Variants in KIAA0586 observed in about 807,000 individuals in gnomAD.
KIAA0586 encodes protein TALPID3.
KIAA0586 carries 144 observed loss-of-function variants against 169.8 expected under a neutral mutation model. The observed-to-expected ratio is 0.85, with a 90% CI of 0.74 to 0.97. The LOEUF (loss-of-function observed/expected upper bound fraction) is 0.97. KIAA0586 is among the 50% of genes least tolerant of loss of function. The pLI, the probability that KIAA0586 is intolerant of heterozygous loss-of-function variation, is 0.00. For synonymous variants in KIAA0586, 625 were observed against 612.4 expected (o/e 1.02, Z -0.30); for missense variants, 1,854 against 1,823.0 (o/e 1.02, Z -0.31).
Position 58,539,823 on chromosome 14 carries a change from T to TC in KIAA0586, c.4430-239dup, listed in dbSNP as rs370714476. The TC allele has an allele frequency of 2.6e-3, 789 of 297,936 alleles. 7 individuals carry two copies. The highest frequency in any genetic ancestry group is 8.8e-3 in the African/African-American group (402 of 45,608). 18.5% of individuals were successfully genotyped at this position (297,936 alleles called of 1,614,324 possible). ...TCAGATTTTCTCATGACCCTTTGCT[T>TC]CCCCCCCCCATCTGTGATGCATAAA... is the stretch of plus-strand genomic sequence containing the variant. On this transcript the variant is annotated intron_variant, in intron 29 of 30. Transcript: ENST00000652326.
In KIAA0586 at chr14:58,548,763, C is replaced by G. The variant is rs1423449422; in HGVS notation, c.*831C>G. 1 of 152,096 alleles carries G rather than the reference C, an allele frequency of 6.6e-6. No individual in the cohort carries two copies. The highest frequency in any genetic ancestry group is 1.5e-5 in the Non-Finnish European group (1 of 68,008). The allele number at this position is 152,096 out of a possible 1,614,324, so 9.4% of individuals were successfully genotyped here. A position where few individuals can be genotyped will look rare whatever the true frequency, so the allele number is the denominator to read the frequency against. On this transcript the variant is annotated 3_prime_UTR_variant, in exon 31 of 31. Transcript: ENST00000652326. ...TTATAAACCTGTGAAACATGTAACT[C>G]TATTACCTTTTGCAACATAAATACA... is the stretch of plus-strand genomic sequence containing the variant.
In KIAA0586 at chr14:58,512,616, C is replaced by T. The variant is rs549323871; in HGVS notation, c.4418C>T (p.Ser1473Leu). 1.3e-6 allele frequency: 2 copies of T among 1,497,124 alleles called. No individual in the cohort carries two copies. The highest frequency in any genetic ancestry group is 2.5e-5 in the Admixed American group (1 of 39,274). 92.7% of individuals were successfully genotyped at this position (1,497,124 alleles called of 1,614,324 possible). A position where few individuals can be genotyped will look rare whatever the true frequency, so the allele number is the denominator to read the frequency against. The change falls in exon 29 of 31, where the codon TCA becomes TTA. Residue 1473 changes from serine to leucine, a missense_variant. By Grantham distance (145) the Ser-to-Leu change is moderately radical. Coordinates refer to ENST00000652326, the MANE Select transcript of KIAA0586 (RefSeq NM_001329943.3). ...AGAAATAAATCTGATATTGCACCTT[C>T]ACAGCAACAAGGTAAGACTTGTTTT... ...RVRNKSDIAP[S>L]QQQVSPGDMD...
At chr14:58,522,842 G>A (rs892668306) in intron 29 of KIAA0586, among the ~76,000 whole-genome samples, 4 of 152,158 alleles carry the variant, frequency 2.6e-5, no homozygotes, top group African/African-American at 9.7e-5. Context: ...TCAACTTGCA[G>A]ATTGTTTTTA....
At chr14:58,493,783 C>T (rs2042974741) in intron 26 of KIAA0586, among the ~76,000 whole-genome samples, 1 of 151,760 alleles carries the variant, frequency 6.6e-6, no homozygotes, top group Non-Finnish European at 1.5e-5. Flanking sequence ...CTCATAGCTG[C>T]AGAAATTAAG....
At position 58,549,385 on chromosome 14, in the gene KIAA0586, A is replaced by C. The variant is rs1162166157; in HGVS notation, c.*1453A>C. ...TTTCAGGTAATTTTAATGGGCACTCAAGGCTGAGAATTACTGAAGAGCAAT... is the reference window on the plus strand; with the variant it reads ...TTTCAGGTAATTTTAATGGGCACTCCAGGCTGAGAATTACTGAAGAGCAAT... On this transcript the variant is annotated 3_prime_UTR_variant, in exon 31 of 31. Coordinates refer to ENST00000652326, the MANE Select transcript of KIAA0586 (RefSeq NM_001329943.3). 6.6e-6 allele frequency: 1 copy of C among 152,062 alleles called. No homozygotes were observed. The highest frequency in any genetic ancestry group is 2.4e-5 in the African/African-American group (1 of 41,406). 9.4% of individuals were successfully genotyped at this position (152,062 alleles called of 1,614,324 possible). A position where few individuals can be genotyped will look rare whatever the true frequency, so the allele number is the denominator to read the frequency against.
the KIAA0586 span, among the ~76,000 whole-genome samples, chr14:58,561,792 G>T: frequency 6.6e-6 from 1 of 152,096 alleles, no homozygotes; most frequent in South Asian, 2.1e-4. Flanking sequence ...TTTCATGGGA[G>T]TCTTCCTTCA....
chr14:58,533,651 G>A (rs1024912774), intron 29 of KIAA0586, among the ~76,000 whole-genome samples: 1 of 152,140 alleles, frequency 6.6e-6, no homozygotes, highest in Non-Finnish European at 1.5e-5. Flanking sequence ...TGACACTTCA[G>A]GGCCCCACGC....
At position 58,512,643 on chromosome 14, in the gene KIAA0586, A is replaced by G. The variant is rs1455792040; in HGVS notation, c.4429+16A>G. ...CAGCAACAAGGTAAGACTTGTTTTTATGTAATAATACAATAGTTTGATACT... is the reference window on the plus strand; with the variant it reads ...CAGCAACAAGGTAAGACTTGTTTTTGTGTAATAATACAATAGTTTGATACT... On this transcript the variant is annotated intron_variant, in intron 29 of 30. Coordinates refer to ENST00000652326, the MANE Select transcript of KIAA0586 (RefSeq NM_001329943.3). 2 of 1,248,772 alleles carry G rather than the reference A, an allele frequency of 1.6e-6. No homozygotes were observed. Among genetic ancestry groups the G allele is most frequent in the Non-Finnish European group, 2.2e-6 (2 of 904,804 alleles). The allele number at this position is 1,248,772 out of a possible 1,614,324, so 77.4% of individuals were successfully genotyped here. A position where few individuals can be genotyped will look rare whatever the true frequency, so the allele number is the denominator to read the frequency against.
chr14:58,514,353 GA>G (rs2044603463), intron 29 of KIAA0586, among the ~76,000 whole-genome samples: 1 of 151,990 alleles, frequency 6.6e-6, no homozygotes, highest in African/African-American at 2.4e-5. Flanking sequence ...TAGAAACCTT[GA>G]AGATAATGAA....
chr14:58,490,411 A>G (rs537671008), intron 25 of KIAA0586, among the ~76,000 whole-genome samples, 171 bp downstream of exon 25: 1 of 152,264 alleles, frequency 6.6e-6, no homozygotes, highest in African/African-American at 2.4e-5. Context: ...TAATCTTATA[A>G]TTATGAGAAT....
chr14:58,488,209 C>G, intron 23 of KIAA0586, 100 bp downstream of exon 23: 1 of 923,012 alleles, frequency 1.1e-6, no homozygotes. Flanking sequence ...GCTTTATAAA[C>G]CACAGACTAC....
At position 58,470,826 on chromosome 14, in the gene KIAA0586, A is replaced by C. The variant is rs2041157712; in HGVS notation, c.2553+103A>C. Reference sequence around the variant, plus strand: ...TTTTATCATAATGATAACTTATAATAATTTAGATTTTGAAGAAAAGATTGA... The same window carrying C: ...TTTTATCATAATGATAACTTATAATCATTTAGATTTTGAAGAAAAGATTGA... On this transcript the variant is annotated intron_variant, in intron 17 of 30. Coordinates refer to ENST00000652326, the MANE Select transcript of KIAA0586 (RefSeq NM_001329943.3). 2.5e-5 allele frequency: 15 copies of C among 609,870 alleles called. No homozygotes were observed. In the South Asian group the frequency reaches 2.8e-4, roughly 11 times the overall value. The allele number at this position is 609,870 out of a possible 1,614,324, so 37.8% of individuals were successfully genotyped here.
chr14:58,444,567 G>T (rs371061007), intron 6 of KIAA0586, among the ~76,000 whole-genome samples: 1 of 152,042 alleles, frequency 6.6e-6, no homozygotes, highest in South Asian at 2.1e-4. Flanking sequence ...GGGATTACAG[G>T]CGCACACCAC....
At chr14:58,532,918 A>G (rs2046071223) in intron 29 of KIAA0586, among the ~76,000 whole-genome samples, 1 of 152,210 alleles carries the variant, frequency 6.6e-6, no homozygotes, top group Non-Finnish European at 1.5e-5. Context: ...GTAAAATGTT[A>G]TTGCTAAAAT....
chr14:58,551,474 G>A (rs183789894), downstream of KIAA0586, among the ~76,000 whole-genome samples: 1 of 151,920 alleles, frequency 6.6e-6, no homozygotes, highest in Non-Finnish European at 1.5e-5. Flanking sequence ...AAGTAATTCT[G>A]TAACTGGCAG....
At chr14:58,519,912 T>A (rs1344556661) in intron 29 of KIAA0586, among the ~76,000 whole-genome samples, 1 of 152,220 alleles carries the variant, frequency 6.6e-6, no homozygotes, top group Non-Finnish European at 1.5e-5. Flanking sequence ...ATTTTTCCAT[T>A]ACTGTCTCTT....
At chr14:58,540,746 C>A (rs1163955356) in intron 30 of KIAA0586, among the ~76,000 whole-genome samples, 2 of 152,164 alleles carry the variant, frequency 1.3e-5, no homozygotes, top group Non-Finnish European at 2.9e-5. Context: ...TTTTAAGTTA[C>A]CCTTTCTAAA....
At chr14:58,543,085 T>C (rs1232942017) in intron 30 of KIAA0586, among the ~76,000 whole-genome samples, 1 of 150,282 alleles carries the variant, frequency 6.7e-6, no homozygotes, top group Non-Finnish European at 1.5e-5. Context: ...TGAGCCAAGA[T>C]TGCGCCACTG....
chr14:58,440,471 A>G (rs749349636), intron 4 of KIAA0586, among the ~76,000 whole-genome samples: 1 of 152,146 alleles, frequency 6.6e-6, no homozygotes, highest in African/African-American at 2.4e-5. Context: ...AGCTGGTATT[A>G]CAGGCTCCCG....
Sources: allele counts gnomAD v4.1 joint callset (sites outside exome capture counted in the v4.1 genomes callset), GRCh38; gene constraint gnomAD v4.1.1; transcripts MANE v1.5; gene names NCBI Gene and HGNC (gene_info 2026-07-23, HGNC 2026-07-21).